PRKCE: variants seen among roughly 807,000 people sequenced by gnomAD.
PRKCE encodes the protein protein kinase C epsilon type.
Under a neutral mutation model 85.4 loss-of-function variants are expected in PRKCE, and 16 were observed. The ratio of observed to expected loss-of-function variants is 0.19; its 90% CI spans 0.13 to 0.28. PRKCE has a LOEUF of 0.28. PRKCE is among the 10% of genes least tolerant of loss of function. PRKCE has a pLI of 1.00. For synonymous variants in PRKCE, 388 were observed against 371.5 expected, an observed-to-expected ratio of 1.04 and a Z score of -0.51; for missense variants, 573 against 975.2, an observed-to-expected ratio of 0.59 and a Z score of 5.49.
chr2:45,848,067 G>A (rs531801712), intron 2 of PRKCE, among the ~76,000 whole-genome samples: 5 of 152,242 alleles, frequency 3.3e-5, no homozygotes, highest in Admixed American at 2.6e-4. Context: ...TCCATAGCAG[G>A]CATTAGAGCA....
chr2:46,179,204 T>C (rs1347074400), intron 14 of PRKCE, among the ~76,000 whole-genome samples: 3 of 152,210 alleles, frequency 2.0e-5, no homozygotes, highest in African/African-American at 7.2e-5. Flanking sequence ...AAGTCATCTG[T>C]TGATCTCCTG....
intron 14 of PRKCE, among the ~76,000 whole-genome samples, chr2:46,171,630 G>C (rs1678911495): frequency 6.6e-6 from 1 of 152,156 alleles, no homozygotes. Flanking sequence ...ATGCCTCCGA[G>C]CCCATTTCCC....
At chr2:45,866,781 G>T (rs575036221) in intron 2 of PRKCE, among the ~76,000 whole-genome samples, 1 of 152,186 alleles carries the variant, frequency 6.6e-6, no homozygotes, top group South Asian at 2.1e-4. Flanking sequence ...GTCAACATGC[G>T]TCCAGGGGCT....
At chr2:46,048,852 CCCT>C (rs1434634727) in intron 10 of PRKCE, among the ~76,000 whole-genome samples, 1 of 152,156 alleles carries the variant, frequency 6.6e-6, no homozygotes, top group Non-Finnish European at 1.5e-5. Context: ...GTGACTCTTG[CCCT>C]CCTCCTTTCT....
intron 1 of PRKCE, among the ~76,000 whole-genome samples, chr2:45,699,725 C>T (rs1678459443): frequency 6.6e-6 from 1 of 152,124 alleles, no homozygotes. Context: ...GATGTGTGTG[C>T]ACAGGGTAAG....
At chr2:46,110,764 C>T (rs142245213) in intron 11 of PRKCE, among the ~76,000 whole-genome samples, 2 of 151,408 alleles carry the variant, frequency 1.3e-5, no homozygotes, top group Admixed American at 6.6e-5. Flanking sequence ...TTTCTAGTTT[C>T]TTGGGGCAGA....
chr2:45,902,796 G>C (rs1342655630), intron 2 of PRKCE, among the ~76,000 whole-genome samples: 2 of 152,220 alleles, frequency 1.3e-5, no homozygotes, highest in Non-Finnish European at 2.9e-5. Context: ...GATATCCAAA[G>C]TGTTCTCTGT....
At chr2:45,708,352 G>C (rs1174837042) in intron 1 of PRKCE, among the ~76,000 whole-genome samples, 3 of 152,186 alleles carry the variant, frequency 2.0e-5, no homozygotes, top group African/African-American at 7.2e-5. Flanking sequence ...GCTTGGCTGT[G>C]TCCCCACCCA....
intron 2 of PRKCE, among the ~76,000 whole-genome samples, chr2:45,876,485 G>A (rs758046751): frequency 1.3e-5 from 2 of 152,184 alleles, no homozygotes; most frequent in African/African-American, 2.4e-5. Context: ...GGTCATACAC[G>A]TTGTCTCCTG....
chr2:46,064,038 T>G (rs1667390963), intron 10 of PRKCE, among the ~76,000 whole-genome samples: 1 of 152,054 alleles, frequency 6.6e-6, no homozygotes, highest in Admixed American at 6.5e-5. Flanking sequence ...TCCCAGCACT[T>G]TGGGAGGCCG....
At chr2:46,176,217 TA>T (rs779180461) in intron 14 of PRKCE, among the ~76,000 whole-genome samples, 23 of 152,164 alleles carry the variant, frequency 1.5e-4, no homozygotes, top group Admixed American at 3.3e-4. Context: ...AAATTACATT[TA>T]ATAAAGCTCA....
chr2:46,108,266 A>G (rs1013641100), intron 11 of PRKCE, among the ~76,000 whole-genome samples: 5 of 152,192 alleles, frequency 3.3e-5, no homozygotes, highest in South Asian at 2.1e-4. Flanking sequence ...CCTTTATCAG[A>G]TAAGTGTTTT....
chr2:45,879,676 C>G (rs1694740214), intron 2 of PRKCE, among the ~76,000 whole-genome samples: 1 of 152,194 alleles, frequency 6.6e-6, no homozygotes, highest in African/African-American at 2.4e-5. Flanking sequence ...CCTGCCTGCT[C>G]CCCCTCCCAC....
At position 46,038,305 on chromosome 2, in the gene PRKCE, G is replaced by A. The variant is rs1158099061; in HGVS notation, c.1437+27788G>A. On this transcript the variant is annotated intron_variant, in intron 10 of 14. Transcript: ENST00000306156. Reference sequence around the variant, plus strand: ...CAAATGTCAGGTCTTGGCAAAGTGGGGTGGGGAATTTTTTGAGTGTGACAT... The same window carrying A: ...CAAATGTCAGGTCTTGGCAAAGTGGAGTGGGGAATTTTTTGAGTGTGACAT... Among the ~76,000 whole-genome samples the A allele has an allele frequency of 2.6e-5, 4 of 152,078 alleles. 1 individual carries two copies. Among genetic ancestry groups the A allele is most frequent in the Admixed American group, 2.6e-4 (4 of 15,270 alleles).
intron 4 of PRKCE, among the ~76,000 whole-genome samples, chr2:45,979,647 G>A (rs532850168): frequency 2.6e-5 from 4 of 152,266 alleles, no homozygotes; most frequent in South Asian, 2.1e-4. Flanking sequence ...CTGTCTCCTC[G>A]CCAAGCACTG....
chr2:45,782,015 G>T (rs1226009186), intron 1 of PRKCE, among the ~76,000 whole-genome samples: 1 of 152,076 alleles, frequency 6.6e-6, no homozygotes, highest in East Asian at 1.9e-4. Flanking sequence ...CCTCGTTTTT[G>T]GTTATGAGTT....
intron 1 of PRKCE, among the ~76,000 whole-genome samples, chr2:45,746,047 G>A (rs1210865694): frequency 6.6e-6 from 1 of 152,206 alleles, no homozygotes; most frequent in Non-Finnish European, 1.5e-5. Context: ...CAGTGGAACT[G>A]AAGGAAGTTA....
chr2:45,703,304 G>A (rs1017532842), intron 1 of PRKCE, among the ~76,000 whole-genome samples: 6 of 152,040 alleles, frequency 3.9e-5, no homozygotes, highest in Middle Eastern at 3.2e-3. Context: ...GGAGCCTGAG[G>A]CAGGAGGATC....
chr2:45,956,954 T>C (rs1183654663), intron 2 of PRKCE, among the ~76,000 whole-genome samples: 1 of 152,218 alleles, frequency 6.6e-6, no homozygotes, highest in African/African-American at 2.4e-5. Context: ...TGATAAGGTG[T>C]TGTTCACATT....
Sources: gnomAD v4.1 joint callset for allele counts (sites outside exome capture counted in the v4.1 genomes callset) on GRCh38, gnomAD v4.1.1 for gene constraint, MANE v1.5 for transcripts, NCBI Gene and HGNC (gene_info 2026-07-23, HGNC 2026-07-21) for gene names.